AGBL4: variants seen among roughly 807,000 people sequenced by gnomAD.
AGBL4 encodes cytosolic carboxypeptidase 6.
In AGBL4, 58 loss-of-function variants were observed where a neutral mutation model predicts 66.4. The observed-to-expected ratio is 0.87, with a 90% CI of 0.71 to 1.09. The LOEUF (loss-of-function observed/expected upper bound fraction) is 1.09, where lower values mean the gene tolerates loss of function less well. Among genes scored for constraint, AGBL4 ranks in the 50% least tolerant of loss-of-function variants. The pLI, the probability that AGBL4 is intolerant of heterozygous loss-of-function variation, is 0.00. For synonymous variants in AGBL4, 234 were observed against 222.9 expected (o/e 1.05, Z -0.44); for missense variants, 579 against 631.0 (o/e 0.92, Z 0.88).
At chr1:49,261,010 C>A (rs953111145) in intron 3 of AGBL4, among the ~76,000 whole-genome samples, 2 of 151,544 alleles carry the variant, frequency 1.3e-5, no homozygotes, top group African/African-American at 2.4e-5. Flanking sequence ...CAATATATGC[C>A]AATCAATAAA....
rs375691857 is a variant in AGBL4 at position 48,947,214 on chromosome 1, T to C, written c.595-79984A>G. On this transcript the variant is annotated intron_variant, in intron 5 of 13. Transcript: ENST00000371839. ...AGGTTAGGTTAGGCCTCCCCTTGTA[T>C]GTTTTCTTAGCACCTTGTGCTTCTC... 2.2e-3 allele frequency among the ~76,000 whole-genome samples: 340 copies of C among 152,338 alleles called. 1 individual carries two copies. The highest frequency in any genetic ancestry group is 7.9e-3 in the African/African-American group (327 of 41,578).
At chr1:49,846,226 TG>T in intron 2 of AGBL4, 4 of 1,460,524 alleles carry the variant, frequency 2.7e-6, no homozygotes, top group East Asian at 2.3e-5. Flanking sequence ...GGACACACAC[TG>T]GGGAAAAGCC....
intron 5 of AGBL4, among the ~76,000 whole-genome samples, chr1:49,022,468 T>C (rs1357937941): frequency 6.6e-6 from 1 of 151,940 alleles, no homozygotes; most frequent in East Asian, 1.9e-4. Flanking sequence ...CTACTGAGCA[T>C]TCATCAGTCA....
At chr1:49,737,143 A>T (rs559981174) in intron 2 of AGBL4, among the ~76,000 whole-genome samples, 1 of 152,308 alleles carries the variant, frequency 6.6e-6, no homozygotes, top group East Asian at 1.9e-4. Flanking sequence ...CAAAGAATTT[A>T]AAAAAGAGCT....
intron 2 of AGBL4, among the ~76,000 whole-genome samples, chr1:49,744,892 G>A (rs1429410702): frequency 6.6e-6 from 1 of 151,916 alleles, no homozygotes; most frequent in African/African-American, 2.4e-5. Context: ...AATCCTCAGA[G>A]CTAACAGAAG....
chr1:48,785,171 T>C (rs1365876012), intron 6 of AGBL4, among the ~76,000 whole-genome samples: 3 of 152,218 alleles, frequency 2.0e-5, no homozygotes, highest in Non-Finnish European at 4.4e-5. Context: ...TGGCTTCTTA[T>C]AGTTTTCTTC....
At chr1:48,948,971 G>A (rs186120489) in intron 5 of AGBL4, among the ~76,000 whole-genome samples, 1 of 152,312 alleles carries the variant, frequency 6.6e-6, no homozygotes, top group Admixed American at 6.5e-5. Flanking sequence ...GTTACAGTAT[G>A]CTAAAGTGGA....
intron 5 of AGBL4, among the ~76,000 whole-genome samples, chr1:48,869,926 C>T (rs887694540): frequency 1.3e-5 from 2 of 152,104 alleles, no homozygotes; most frequent in African/African-American, 4.8e-5. Flanking sequence ...CAGTACATGT[C>T]ACAGAGTACC....
At chr1:48,875,289 CG>C (rs1408963172) in intron 5 of AGBL4, among the ~76,000 whole-genome samples, 1 of 152,112 alleles carries the variant, frequency 6.6e-6, no homozygotes, top group Non-Finnish European at 1.5e-5. Context: ...ATGCCATACC[CG>C]ATCACCTCTC....
chr1:48,552,761 A>C lies in AGBL4; in HGVS notation c.1268-13023T>G, dbSNP rs7547852. 6.6e-3 allele frequency among the ~76,000 whole-genome samples: 1,008 copies of C among 152,186 alleles called. 13 individuals carry two copies. The highest frequency in any genetic ancestry group is 0.023 in the African/African-American group (958 of 41,516). ...GGAGATACAGCAAGTGACATGAGAG[A>C]GGTGGGCAGGATCTTGACTGGGAAG... On this transcript the variant is annotated intron_variant, in intron 11 of 13. Coordinates refer to ENST00000371839, the MANE Select transcript of AGBL4 (RefSeq NM_032785.4).
chr1:49,727,630 C>G (rs1240209360), intron 2 of AGBL4, among the ~76,000 whole-genome samples: 1 of 152,040 alleles, frequency 6.6e-6, no homozygotes. Context: ...AACGTATCTA[C>G]CAAATACAAG....
chr1:49,954,630 T>G (rs1382179388), intron 1 of AGBL4, among the ~76,000 whole-genome samples: 4 of 151,964 alleles, frequency 2.6e-5, no homozygotes, highest in Non-Finnish European at 5.9e-5. Context: ...AAAAATGAAC[T>G]AAGACATTTC....
intron 6 of AGBL4, among the ~76,000 whole-genome samples, chr1:48,758,486 T>C (rs1419622197): frequency 1.3e-5 from 2 of 152,208 alleles, no homozygotes; most frequent in Non-Finnish European, 2.9e-5. Flanking sequence ...TTGTCAGCAT[T>C]CTCCTTTGGC....
chr1:49,371,561 T>C (rs1644345966), intron 3 of AGBL4, among the ~76,000 whole-genome samples: 1 of 152,182 alleles, frequency 6.6e-6, no homozygotes. Context: ...GAATTACATA[T>C]ACCTCCCTAA....
chr1:49,259,383 C>T (rs966195900), intron 3 of AGBL4, among the ~76,000 whole-genome samples: 6 of 152,106 alleles, frequency 3.9e-5, no homozygotes, highest in African/African-American at 7.2e-5. Context: ...AGAGTCAAGA[C>T]CCATCAGTGT....
At chr1:49,833,265 G>A (rs536428331) in intron 2 of AGBL4, among the ~76,000 whole-genome samples, 12 of 152,122 alleles carry the variant, frequency 7.9e-5, no homozygotes, top group African/African-American at 2.6e-4. Flanking sequence ...TTTCCCCATT[G>A]CTTGTTTTTC....
At chr1:49,481,027 T>G (rs1239753057) in intron 3 of AGBL4, among the ~76,000 whole-genome samples, 1 of 152,092 alleles carries the variant, frequency 6.6e-6, no homozygotes, top group East Asian at 1.9e-4. Context: ...CCATGCTGTC[T>G]TGGTTACTGA....
intron 2 of AGBL4, among the ~76,000 whole-genome samples, chr1:49,734,040 C>A (rs889006664): frequency 3.3e-5 from 5 of 152,062 alleles, no homozygotes; most frequent in African/African-American, 1.2e-4. Context: ...AATAATAAGA[C>A]CATTTCAACA....
At chr1:49,940,610 C>A (rs61426365) in intron 1 of AGBL4, among the ~76,000 whole-genome samples, 11,080 of 151,900 alleles carry the variant, frequency 0.073, 1,269 homozygotes, top group African/African-American at 0.24. Flanking sequence ...AACAAAAACC[C>A]AAACACCGCA....
Sources: allele counts gnomAD v4.1 joint callset (sites outside exome capture counted in the v4.1 genomes callset), GRCh38; gene constraint gnomAD v4.1.1; transcripts MANE v1.5; gene names NCBI Gene and HGNC (gene_info 2026-07-23, HGNC 2026-07-21).